The following PTPN4 variants were observed in gnomAD, a reference collection of about 807,000 sequenced individuals.
PTPN4 encodes the protein protein tyrosine phosphatase non-receptor type 4.
PTPN4 carries 49 observed loss-of-function variants against 135.5 expected under a neutral mutation model. The observed-to-expected ratio is 0.36, with a 90% confidence interval of 0.29 to 0.46. The LOEUF (loss-of-function observed/expected upper bound fraction) is 0.46. Ranked by LOEUF, PTPN4 falls within the 20% of genes least tolerant of loss-of-function variation. The probability of loss-of-function intolerance (pLI) is 1.00; values close to 1 mark genes in which losing one functional copy is unlikely to be tolerated. For synonymous variants in PTPN4, 333 were observed against 369.9 expected, an observed-to-expected ratio of 0.90 and a Z score of 1.14; for missense variants, 860 against 1,101.0, an observed-to-expected ratio of 0.78 and a Z score of 3.10.
intron 2 of PTPN4, among the ~76,000 whole-genome samples, chr2:119,819,290 A>G (rs961690496): frequency 1.3e-5 from 2 of 152,158 alleles, no homozygotes; most frequent in Non-Finnish European, 2.9e-5. Context: ...TAAATGTTAC[A>G]TACATGTTTT....
intron 1 of PTPN4, among the ~76,000 whole-genome samples, chr2:119,769,890 G>A (rs1223268432): frequency 1.3e-5 from 2 of 152,214 alleles, no homozygotes; most frequent in Non-Finnish European, 2.9e-5. Context: ...AGTAATCCAA[G>A]GGTCATTGTT....
Position 119,862,592 on chromosome 2 carries a change from T to C in PTPN4, c.195T>C (p.Thr65=), listed in dbSNP as rs779409127. 3 of 1,613,336 alleles carry C rather than the reference T, an allele frequency of 1.9e-6. No homozygotes were observed. Among genetic ancestry groups the C allele is most frequent in the Non-Finnish European group, 2.5e-6 (3 of 1,179,640 alleles). The change falls in exon 3 of 27, where the codon ACT becomes ACC. Residue 65 remains threonine (T), a synonymous_variant. Coordinates refer to ENST00000263708, the MANE Select transcript of PTPN4 (RefSeq NM_002830.4). ...LDVVFKHLDL[T]EQDYFGLQLA... is the part of the protein sequence containing the mutation. ...TCGTCTTCAAGCATCTAGATTTGACTGAGCAGGACTATTTTGGTTTACAGT... is the reference window on the plus strand; with the variant it reads ...TCGTCTTCAAGCATCTAGATTTGACCGAGCAGGACTATTTTGGTTTACAGT...
intron 2 of PTPN4, among the ~76,000 whole-genome samples, chr2:119,843,469 A>G (rs1677414822): frequency 7.6e-6 from 1 of 131,378 alleles, no homozygotes; most frequent in African/African-American, 3.0e-5. Context: ...CAAAGCCGCC[A>G]TTGTCATCCT....
intron 2 of PTPN4, among the ~76,000 whole-genome samples, chr2:119,822,907 G>A (rs72836818): frequency 0.024 from 3,653 of 152,222 alleles, 63 homozygotes; most frequent in Non-Finnish European, 0.033. Flanking sequence ...GACATTTGAA[G>A]TCACATTCTT....
chr2:119,804,959 A>C (rs2104944707), intron 1 of PTPN4, among the ~76,000 whole-genome samples: 1 of 152,240 alleles, frequency 6.6e-6, no homozygotes, highest in African/African-American at 2.4e-5. Context: ...TGACTTTTTA[A>C]TGATCGCCAT....
chr2:119,934,686 A>T (rs1250967782), intron 14 of PTPN4, 114 bp from the exon 15 acceptor site: 1 of 1,042,330 alleles, frequency 9.6e-7, no homozygotes, highest in Non-Finnish European at 1.4e-6. Flanking sequence ...TGCTTAGTCA[A>T]CATGGCTTGA....
At chr2:119,835,853 A>G (rs1487727636) in intron 2 of PTPN4, among the ~76,000 whole-genome samples, 1 of 152,084 alleles carries the variant, frequency 6.6e-6, no homozygotes, top group Non-Finnish European at 1.5e-5. Context: ...GTGGATCACG[A>G]GGTCAAGAGA....
chr2:119,887,966 G>A (rs754188706), intron 9 of PTPN4, among the ~76,000 whole-genome samples: 7 of 152,090 alleles, frequency 4.6e-5, no homozygotes, highest in Non-Finnish European at 1.0e-4. Flanking sequence ...TGGCAATATG[G>A]TCATTTTAAC....
intron 1 of PTPN4, among the ~76,000 whole-genome samples, chr2:119,791,811 TGTAGATTAATTTTTCTAA>T (rs895481382): frequency 6.6e-6 from 1 of 152,196 alleles, no homozygotes; most frequent in Non-Finnish European, 1.5e-5. Flanking sequence ...TTCTTGGATG[TGTAGATTAATTTTTCTAA>T]GTCAAATTTG....
intron 2 of PTPN4, among the ~76,000 whole-genome samples, chr2:119,814,399 A>G (rs1305782874): frequency 6.6e-6 from 1 of 152,070 alleles, no homozygotes; most frequent in African/African-American, 2.4e-5. Context: ...TCCAGTTCCT[A>G]TGGTGATTGG....
At chr2:119,794,131 A>T (rs549874677) in intron 1 of PTPN4, among the ~76,000 whole-genome samples, 2 of 152,028 alleles carry the variant, frequency 1.3e-5, no homozygotes, top group South Asian at 4.2e-4. Flanking sequence ...TATAGGTTTG[A>T]GTCGCTGCAC....
At chr2:119,873,181 TG>T (rs1028680226) in intron 3 of PTPN4, among the ~76,000 whole-genome samples, 7 of 151,312 alleles carry the variant, frequency 4.6e-5, no homozygotes, top group South Asian at 2.1e-4. Flanking sequence ...TTTTTTTTTT[TG>T]TTGTTGTTGT....
At chr2:119,778,443 A>G (rs77596528) in intron 1 of PTPN4, among the ~76,000 whole-genome samples, 4,123 of 152,326 alleles carry the variant, frequency 0.027, 95 homozygotes, top group Non-Finnish European at 0.041. Flanking sequence ...AGATGTGTGC[A>G]TATGTGTATC....
chr2:119,848,650 G>A (rs887829324), intron 2 of PTPN4, among the ~76,000 whole-genome samples: 11 of 151,900 alleles, frequency 7.2e-5, no homozygotes, highest in African/African-American at 2.7e-4. Context: ...ACCCAGGCTG[G>A]ATTGCAGTGA....
At chr2:119,847,887 G>C (rs1677529628) in intron 2 of PTPN4, among the ~76,000 whole-genome samples, 1 of 152,136 alleles carries the variant, frequency 6.6e-6, no homozygotes, top group Non-Finnish European at 1.5e-5. Flanking sequence ...TCAGTGCTTT[G>C]AATATGTCAT....
In PTPN4 at chr2:119,946,565, A is replaced by G. The variant is rs140207753; in HGVS notation, c.1647A>G (p.Pro549=). The change falls in exon 18 of 27, where the codon CCA becomes CCG. Residue 549 remains proline (P), a synonymous_variant. Coordinates refer to ENST00000263708, the MANE Select transcript of PTPN4 (RefSeq NM_002830.4). ...CTGTGATTGTGTCTCGAGTAGCACC[A>G]GGAACACCTGTGAGTTATCTAAATG... The part of the protein sequence containing the change: ...KMPVIVSRVA[P]GTPADLCVPR... 8.2e-5 allele frequency: 131 copies of G among 1,600,706 alleles called. 1 individual carries two copies. In the Middle Eastern group the frequency reaches 2.5e-3, roughly 30 times the overall value.
chr2:119,803,061 G>C (rs909636826), intron 1 of PTPN4, among the ~76,000 whole-genome samples: 5 of 152,036 alleles, frequency 3.3e-5, no homozygotes, highest in Non-Finnish European at 7.4e-5. Context: ...CCTAATGTTA[G>C]CAATTTGTGT....
chr2:119,965,450 T>G (rs1390049993), intron 24 of PTPN4, 47 bp from the exon 25 acceptor site: 1 of 1,531,528 alleles, frequency 6.5e-7, no homozygotes, highest in Non-Finnish European at 8.9e-7. Flanking sequence ...TAGGGACAAT[T>G]TCAATAATAC....
chr2:119,819,371 A>G (rs984522318), intron 2 of PTPN4, among the ~76,000 whole-genome samples: 2 of 152,196 alleles, frequency 1.3e-5, no homozygotes, highest in Non-Finnish European at 1.5e-5. Flanking sequence ...CAGCTACTCT[A>G]TATGATCAGA....
Sources: allele counts gnomAD v4.1 joint callset (sites outside exome capture counted in the v4.1 genomes callset), GRCh38; gene constraint gnomAD v4.1.1; transcripts MANE v1.5; gene names NCBI Gene and HGNC (gene_info 2026-07-23, HGNC 2026-07-21).